FAM220A: variants seen among roughly 807,000 people sequenced by gnomAD.
FAM220A encodes family with sequence similarity 220 member A, also known as protein FAM220A.
For missense variants in FAM220A, 392 were observed against 321.6 expected, an observed-to-expected ratio of 1.22 and a Z score of -1.68; for synonymous variants, 141 against 130.7, an observed-to-expected ratio of 1.08 and a Z score of -0.54.
At chr7:6,335,705 G>A (rs938805670) in intron 1 of FAM220A, among the ~76,000 whole-genome samples, 4 of 152,014 alleles carry the variant, frequency 2.6e-5, no homozygotes, top group East Asian at 1.9e-4. Context: ...TTTACTGATA[G>A]AATTGTGACC....
intron 1 of FAM220A, among the ~76,000 whole-genome samples, chr7:6,339,913 C>G (rs1003226018): frequency 3.2e-4 from 49 of 152,036 alleles, no homozygotes; most frequent in African/African-American, 1.1e-3. Context: ...GAGCATGAGT[C>G]TCACTCTGCC....
chr7:6,331,291 C>T, intron 1 of FAM220A, 56 bp from the exon 2 acceptor site: 1 of 727,472 alleles, frequency 1.4e-6, no homozygotes, highest in East Asian at 2.8e-5. Flanking sequence ...GTCTTAAGAG[C>T]ATCTACACCC....
chr7:6,338,770 C>T (rs968359118), intron 1 of FAM220A: 2 of 152,328 alleles, frequency 1.3e-5, no homozygotes, highest in Non-Finnish European at 2.9e-5. Context: ...TCCTGGCCTC[C>T]AGGGCATGAC....
At chr7:6,339,421 A>G (rs1484996397) in intron 1 of FAM220A, among the ~76,000 whole-genome samples, 2 of 152,070 alleles carry the variant, frequency 1.3e-5, no homozygotes, top group Non-Finnish European at 2.9e-5. Flanking sequence ...TAGGCAACAT[A>G]GCAAGACCCC....
At chr7:6,347,974 G>A (rs1300782759) in intron 1 of FAM220A, among the ~76,000 whole-genome samples, 1 of 150,670 alleles carries the variant, frequency 6.6e-6, no homozygotes, top group East Asian at 1.9e-4. Flanking sequence ...GCAATGGAGC[G>A]ATCTCGGCTC....
chr7:6,345,365 TCA>T (rs2115150460), intron 1 of FAM220A, among the ~76,000 whole-genome samples: 1 of 152,096 alleles, frequency 6.6e-6, no homozygotes, highest in South Asian at 2.1e-4. Context: ...TCCTCCCACC[TCA>T]GTCTCCCAAA....
intron 1 of FAM220A, among the ~76,000 whole-genome samples, chr7:6,340,859 A>G (rs1439306936): frequency 3.5e-5 from 5 of 141,756 alleles, no homozygotes; most frequent in African/African-American, 1.3e-4. Flanking sequence ...AGATGGCGCC[A>G]CTGCACTCCA....
chr7:6,347,479 G>A (rs373558650), intron 1 of FAM220A, among the ~76,000 whole-genome samples: 18 of 151,598 alleles, frequency 1.2e-4, no homozygotes, highest in African/African-American at 2.9e-4. Context: ...TGGCGCCACC[G>A]CACTCCAGCT....
In FAM220A at chr7:6,331,031, C is replaced by G. The variant is rs200767022; in HGVS notation, c.124G>C (p.Asp42His). 15 of 1,613,944 alleles carry G rather than the reference C, an allele frequency of 9.3e-6. No individual in the cohort carries two copies. The African/African-American group carries it at 1.1e-4, about 11-fold the overall frequency. The change falls in exon 2 of 2, where the codon GAT (aspartate) becomes CAT (histidine). Residue 42 changes from aspartate to histidine, a missense_variant. By Grantham distance (81) the Asp-to-His change is moderately conservative. Coordinates refer to ENST00000313324, the MANE Select transcript of FAM220A (RefSeq NM_001037163.2). The part of the protein sequence containing the change: ...KRMPEGPWPA[D>H]APSWMNKPVV... ...GGCTTATTCATCCAGGAGGGTGCAT[C>G]TGCAGGCCAAGGGCCCTCCGGCATT... is the stretch of plus-strand genomic sequence containing the variant.
chr7:6,341,099 G>A lies in FAM220A; in HGVS notation c.-82+7474C>T, dbSNP rs564071721. On this transcript the variant is annotated intron_variant, in intron 1 of 1. Transcript: ENST00000313324. The stretch of plus-strand genomic sequence containing the variant: ...GTGCAGCTTGCAGTGAGCTGAGATC[G>A]TGCCACTGCACTCCAGCCTGGGCGA... Among the ~76,000 whole-genome samples, 25 of 149,976 alleles carry A rather than the reference G, an allele frequency of 1.7e-4. No individual in the cohort carries two copies. The South Asian group carries it at 3.8e-3, about 23-fold the overall frequency.
chr7:6,337,102 C>G (rs1241414693), intron 1 of FAM220A, among the ~76,000 whole-genome samples: 2 of 149,088 alleles, frequency 1.3e-5, no homozygotes, highest in Admixed American at 1.3e-4. Context: ...AAGAGTCTCT[C>G]TCTGTCTCGC....
At chr7:6,341,526 A>G (rs1041010043) in intron 1 of FAM220A, among the ~76,000 whole-genome samples, 1 of 149,578 alleles carries the variant, frequency 6.7e-6, no homozygotes, top group Non-Finnish European at 1.5e-5. Flanking sequence ...CTACTAAAAA[A>G]AAATTTTTTT....
In FAM220A at chr7:6,348,762, G is replaced by C; in HGVS notation, c.-271C>G. The C allele has an allele frequency of 2.5e-6, 1 of 399,942 alleles. No homozygotes were observed. 24.8% of individuals were successfully genotyped at this position (399,942 alleles called of 1,614,324 possible). ...GGCCCGACAGAGCCGCCGCCATATA[G>C]AGACCGGCGCTCCCACAGCCCCCCC... On this transcript the variant is annotated 5_prime_UTR_variant, in exon 1 of 2. Transcript: ENST00000313324.
chr7:6,336,452 A>G (rs1038298906), intron 1 of FAM220A, among the ~76,000 whole-genome samples: 2 of 152,076 alleles, frequency 1.3e-5, no homozygotes, highest in Non-Finnish European at 2.9e-5. Flanking sequence ...AGGCCATGGC[A>G]GGCAGATCTC....
chr7:6,331,738 C>CTTTT (rs376255551), intron 1 of FAM220A, among the ~76,000 whole-genome samples: 4 of 117,760 alleles, frequency 3.4e-5, no homozygotes, highest in Admixed American at 1.8e-4. Flanking sequence ...ATAATAGAGG[C>CTTTT]TTTTTTTTTT....
intron 1 of FAM220A, among the ~76,000 whole-genome samples, chr7:6,335,559 G>A (rs1445286179): frequency 6.6e-6 from 1 of 151,922 alleles, no homozygotes; most frequent in Non-Finnish European, 1.5e-5. Flanking sequence ...ATATTAAAAT[G>A]TCTTGGTTTA....
In FAM220A at chr7:6,330,466, AT is replaced by A; in HGVS notation, c.688del (p.Met230CysfsTer11). On this transcript the variant is annotated frameshift_variant, in exon 2 of 2. Coordinates refer to ENST00000313324, the MANE Select transcript of FAM220A (RefSeq NM_001037163.2). LOFTEE classifies it low-confidence loss of function (END_TRUNC). ...FSKQTIEFKKMLKSTSDGLQI... is the reference protein window; with the variant it reads ...FSKQTIEFKKXLKSTSDGLQI... ...CAGACCATCTGAGGTGCTTTTAAGC[AT>A]TTTCTTGAATTCTATTGTTTGCTTT... The A allele has an allele frequency of 6.2e-7, 1 of 1,614,182 alleles. No individual in the cohort carries two copies. The highest frequency in any genetic ancestry group is 8.5e-7 in the Non-Finnish European group (1 of 1,180,030).
intron 1 of FAM220A, among the ~76,000 whole-genome samples, chr7:6,347,261 T>C (rs1049746737): frequency 6.6e-6 from 1 of 152,192 alleles, no homozygotes; most frequent in Non-Finnish European, 1.5e-5. Flanking sequence ...ACGCCTATAA[T>C]CCCAGCACTT....
At chr7:6,347,178 T>C (rs1284323129) in intron 1 of FAM220A, among the ~76,000 whole-genome samples, 1 of 152,010 alleles carries the variant, frequency 6.6e-6, no homozygotes, top group African/African-American at 2.4e-5. Flanking sequence ...AAGGAAAATA[T>C]AAAAGAAAGA....
Sources: gnomAD v4.1 joint callset for allele counts (sites outside exome capture counted in the v4.1 genomes callset) on GRCh38, gnomAD v4.1.1 for gene constraint, MANE v1.5 for transcripts, NCBI Gene and HGNC (gene_info 2026-07-23, HGNC 2026-07-21) for gene names.